Variants in ENPP6 observed in about 807,000 individuals in gnomAD.
ENPP6 encodes glycerophosphocholine cholinephosphodiesterase ENPP6.
Under a neutral mutation model 42.0 loss-of-function variants are expected in ENPP6, and 32 were observed. The observed-to-expected ratio is 0.76, with a 90% CI of 0.58 to 1.02. The LOEUF (loss-of-function observed/expected upper bound fraction) is 1.02. Among genes scored for constraint, ENPP6 ranks in the 50% least tolerant of loss-of-function variants. ENPP6 has a pLI of 0.00. For missense variants in ENPP6, 552 were observed against 566.8 expected, an observed-to-expected ratio of 0.97 and a Z score of 0.27; for synonymous variants, 213 against 216.0, an observed-to-expected ratio of 0.99 and a Z score of 0.12.
intron 2 of ENPP6, among the ~76,000 whole-genome samples, chr4:184,151,067 G>A (rs1737016327): frequency 6.6e-6 from 1 of 152,260 alleles, no homozygotes; most frequent in Non-Finnish European, 1.5e-5. Context: ...GCCTGGAGCA[G>A]TGGCTCATGC....
chr4:184,124,207 C>T lies in ENPP6; in HGVS notation c.487G>A (p.Asp163Asn). The T allele has an allele frequency of 6.2e-7, 1 of 1,614,022 alleles. No homozygotes were observed. Among genetic ancestry groups the T allele is most frequent in the Non-Finnish European group, 8.5e-7 (1 of 1,179,972 alleles). ...YCLEYKNVPT[D>N]INFANAVSDA... Reference sequence around the variant, plus strand: ...CTGACTGCATTGGCAAAATTGATATCCGTTGGGACATTTTTATATTCTAGG... The same window carrying T: ...CTGACTGCATTGGCAAAATTGATATTCGTTGGGACATTTTTATATTCTAGG... The change falls in exon 3 of 8, where the codon GAT becomes AAT. Residue 163 changes from aspartate to asparagine, a missense_variant. Around this residue, in one of 2 missense-constraint regions of ENPP6, gnomAD observed 545 missense variants for 546.3 expected, o/e 1.00. Coordinates refer to ENST00000296741, the MANE Select transcript of ENPP6 (RefSeq NM_153343.4).
intron 2 of ENPP6, among the ~76,000 whole-genome samples, chr4:184,151,392 G>A (rs1311798955): frequency 3.9e-5 from 6 of 152,228 alleles, no homozygotes; most frequent in Non-Finnish European, 8.8e-5. Context: ...GCAGAGAGAA[G>A]TGTGTGCAAT....
chr4:184,214,075 C>A (rs1357226565), intron 1 of ENPP6, among the ~76,000 whole-genome samples: 9 of 133,378 alleles, frequency 6.7e-5, no homozygotes, highest in African/African-American at 2.6e-4. Flanking sequence ...GAACATCACA[C>A]TCTGGGGACT....
chr4:184,176,276 G>A (rs1455892869), intron 1 of ENPP6, among the ~76,000 whole-genome samples: 1 of 152,216 alleles, frequency 6.6e-6, no homozygotes, highest in Non-Finnish European at 1.5e-5. Context: ...ACAGCTAACA[G>A]GTACCAAATA....
intron 6 of ENPP6, among the ~76,000 whole-genome samples, chr4:184,100,474 C>A (rs12499263): frequency 0.37 from 56,055 of 152,082 alleles, 11,489 homozygotes; most frequent in East Asian, 0.61. Context: ...TGCCACACAG[C>A]GCCACCTAGT....
At chr4:184,165,832 G>A (rs1356006208) in intron 1 of ENPP6, among the ~76,000 whole-genome samples, 1 of 152,156 alleles carries the variant, frequency 6.6e-6, no homozygotes, top group Non-Finnish European at 1.5e-5. Flanking sequence ...GTTACAAGAA[G>A]CAACTTTATA....
At chr4:184,179,258 A>G (rs1732500677) in intron 1 of ENPP6, among the ~76,000 whole-genome samples, 1 of 152,362 alleles carries the variant, frequency 6.6e-6, no homozygotes, top group South Asian at 2.1e-4. Flanking sequence ...TTAAGCCAAC[A>G]AAGTTCAAAA....
rs948532971 is a variant in ENPP6, at chr4:184,145,217, G to A, written c.421+8337C>T. ...GAACGACTCGCTCAGCCTAGGGAAC[G>A]TCAGTCCTTCCCGAGTCCCTTCAGC... On this transcript the variant is annotated intron_variant, in intron 2 of 7. Transcript: ENST00000296741. Among the ~76,000 whole-genome samples the A allele has an allele frequency of 3.9e-5, 6 of 152,216 alleles. 1 individual carries two copies. The highest frequency in any genetic ancestry group is 2.6e-4 in the Admixed American group (4 of 15,292).
At chr4:184,150,041 A>G (rs1348358547) in intron 2 of ENPP6, among the ~76,000 whole-genome samples, 1 of 152,210 alleles carries the variant, frequency 6.6e-6, no homozygotes, top group East Asian at 1.9e-4. Context: ...ACACACACTC[A>G]GCTCTTACTC....
chr4:184,120,481 C>T lies in ENPP6; in HGVS notation c.534-2581G>A, dbSNP rs184949433. On this transcript the variant is annotated intron_variant, in intron 3 of 7. Coordinates refer to ENST00000296741, the MANE Select transcript of ENPP6 (RefSeq NM_153343.4). ...GAAGCTGCACAGTGAGTCTGCTCTA[C>T]AAGCCTGGAAGCAGTTGTCCGGCCC... is the stretch of plus-strand genomic sequence containing the variant. Among the ~76,000 whole-genome samples the T allele has an allele frequency of 8.5e-5, 13 of 152,334 alleles. No individual in the cohort carries two copies. In the East Asian group the frequency reaches 2.3e-3, roughly 27 times the overall value.
intron 2 of ENPP6, among the ~76,000 whole-genome samples, chr4:184,143,232 G>A (rs1736852552): frequency 6.6e-6 from 1 of 152,196 alleles, no homozygotes; most frequent in African/African-American, 2.4e-5. Flanking sequence ...TCTTGCCCCT[G>A]TCTAGGAATT....
rs142818755 is a variant in ENPP6, at chr4:184,097,364, C to T, written c.998G>A (p.Arg333Gln). ...GTTCATCCAAAACGGAAGCATCTCT[C>T]GATTCTGAAACCAAGCAAGGCAGAC... ...ADEGWFITEN[R>Q]EMLPFWMNST... Residue 333 changes from arginine to glutamine, a missense_variant, in exon 7 of 8, where the codon CGA becomes CAA. Coordinates refer to ENST00000296741, the MANE Select transcript of ENPP6 (RefSeq NM_153343.4). The T allele has an allele frequency of 1.1e-4, 176 of 1,614,100 alleles. No homozygotes were observed. The African/African-American group carries it at 2.0e-3, about 18-fold the overall frequency.
In ENPP6 at chr4:184,217,692, G is replaced by A. The variant is rs200465824; in HGVS notation, c.128C>T (p.Ala43Val). 34 of 1,614,178 alleles carry A rather than the reference G, an allele frequency of 2.1e-5. No individual in the cohort carries two copies. The highest frequency in any genetic ancestry group is 1.2e-4 in the African/African-American group (9 of 75,056). The change falls in exon 1 of 8, where the codon GCG becomes GTG. Residue 43 changes from alanine (A) to valine (V), a missense_variant. By Grantham distance (64) the Ala-to-Val change is moderately conservative. Coordinates refer to ENST00000296741, the MANE Select transcript of ENPP6 (RefSeq NM_153343.4). ...GFRSDYISDEALESLPGFKEI... is the reference protein window; with the variant it reads ...GFRSDYISDEVLESLPGFKEI... Reference sequence around the variant, plus strand: ...TTTGAAACCAGGCAATGACTCCAGCGCCTCATCACTGATGTAGTCTGAGCG... The same window carrying A: ...TTTGAAACCAGGCAATGACTCCAGCACCTCATCACTGATGTAGTCTGAGCG...
intron 1 of ENPP6, among the ~76,000 whole-genome samples, chr4:184,175,182 C>T (rs1299642235): frequency 2.0e-5 from 3 of 152,258 alleles, no homozygotes; most frequent in African/African-American, 7.2e-5. Context: ...CTCCGCCGCC[C>T]GGAACTCTCG....
At chr4:184,116,795 G>T in intron 5 of ENPP6, 61 bp downstream of exon 5, 1 of 1,590,126 alleles carries the variant, frequency 6.3e-7, no homozygotes, top group Non-Finnish European at 8.6e-7. Context: ...AAAAGACAGT[G>T]CAGATGGCAA....
chr4:184,206,679 G>C (rs1270416518), intron 1 of ENPP6, among the ~76,000 whole-genome samples: 1 of 152,172 alleles, frequency 6.6e-6, no homozygotes, highest in Non-Finnish European at 1.5e-5. Flanking sequence ...TTCTTAAAAG[G>C]TGGGGTGGTA....
Position 184,090,998 on chromosome 4 carries a change from A to C in ENPP6, c.*179T>G, listed in dbSNP as rs528944321. 1.8e-6 allele frequency: 1 copy of C among 553,842 alleles called. No homozygotes were observed. Among genetic ancestry groups the C allele is most frequent in the African/African-American group, 1.9e-5 (1 of 51,364 alleles). 34.3% of individuals were successfully genotyped at this position (553,842 alleles called of 1,614,324 possible). ...TACCTTCTGGAAAAACAAGGTTTGT[A>C]TCTTTTTTAACAAGTAGGAACTTTT... is the stretch of plus-strand genomic sequence containing the variant. On this transcript the variant is annotated 3_prime_UTR_variant, in exon 8 of 8. Coordinates refer to ENST00000296741, the MANE Select transcript of ENPP6 (RefSeq NM_153343.4).
At chr4:184,198,531 A>G (rs4862334) in intron 1 of ENPP6, among the ~76,000 whole-genome samples, 122,644 of 152,106 alleles carry the variant, frequency 0.81, 50,142 homozygotes, top group East Asian at 0.98. Flanking sequence ...CAAAAACCTC[A>G]AGCTTGGGTG....
chr4:184,142,809 A>G (rs1015524010), intron 2 of ENPP6, among the ~76,000 whole-genome samples: 1 of 152,242 alleles, frequency 6.6e-6, no homozygotes, highest in African/African-American at 2.4e-5. Context: ...TAATGAGGCC[A>G]AAGGCCGCGC....
Sources: allele counts gnomAD v4.1 joint callset (sites outside exome capture counted in the v4.1 genomes callset), GRCh38; gene constraint gnomAD v4.1.1; regional missense constraint gnomAD v4.1.1; transcripts MANE v1.5; gene names NCBI Gene and HGNC (gene_info 2026-07-23, HGNC 2026-07-21).